VAV2: variants seen among roughly 807,000 people sequenced by gnomAD.
VAV2 encodes the protein vav guanine nucleotide exchange factor 2, also known as guanine nucleotide exchange factor VAV2.
A neutral mutation model predicts 132.5 loss-of-function variants in VAV2; 67 were observed. That is an observed-to-expected ratio of 0.51 (90% CI 0.42 to 0.62). The LOEUF is 0.62. Among genes scored for constraint, VAV2 ranks in the 20% least tolerant of loss-of-function variants. The pLI, the probability that VAV2 is intolerant of heterozygous loss-of-function variation, is 0.00. For missense variants in VAV2, 938 were observed against 1,153.6 expected, an observed-to-expected ratio of 0.81 and a Z score of 2.71; for synonymous variants, 492 against 443.5, an observed-to-expected ratio of 1.11 and a Z score of -1.37.
At position 133,803,295 on chromosome 9, in the gene VAV2, C is replaced by T. The variant is rs116787832; in HGVS notation, c.836+2786G>A. Among the ~76,000 whole-genome samples the T allele has an allele frequency of 6.4e-3, 982 of 152,322 alleles. 8 individuals carry two copies. Among genetic ancestry groups the T allele is most frequent in the African/African-American group, 0.023 (939 of 41,570 alleles). On this transcript the variant is annotated intron_variant, in intron 9 of 29. Transcript: ENST00000371850. ...TCGTGCAAAGCTCCACAGAGAGCTC[C>T]TCTTGAAAGCCAGTTCGTGGCCTTC...
At chr9:133,847,316 C>T (rs547141860) in intron 3 of VAV2, among the ~76,000 whole-genome samples, 16 of 152,214 alleles carry the variant, frequency 1.1e-4, no homozygotes, top group South Asian at 4.1e-4. Flanking sequence ...CCCAGGACCC[C>T]GCAGCCACCA....
intron 2 of VAV2, among the ~76,000 whole-genome samples, chr9:133,897,991 A>C (rs1839279862): frequency 1.3e-5 from 2 of 152,076 alleles, no homozygotes; most frequent in South Asian, 4.1e-4. Context: ...TGGTGGTTGG[A>C]AGGGGCCCAG....
chr9:133,938,598 A>G (rs549288176), intron 2 of VAV2, among the ~76,000 whole-genome samples: 1 of 152,124 alleles, frequency 6.6e-6, no homozygotes, highest in South Asian at 2.1e-4. Flanking sequence ...CTCTTTGCCC[A>G]ATACCTTCCC....
Position 133,926,640 on chromosome 9 carries a change from A to G in VAV2, c.321+12463T>C, listed in dbSNP as rs1840490265. Among the ~76,000 whole-genome samples the G allele has an allele frequency of 6.6e-6, 1 of 151,804 alleles. No homozygotes were observed. Among genetic ancestry groups the G allele is most frequent in the African/African-American group, 2.4e-5 (1 of 41,336 alleles). On this transcript the variant is annotated intron_variant, in intron 2 of 29. Coordinates refer to ENST00000371850, the MANE Select transcript of VAV2 (RefSeq NM_001134398.2). The surrounding 1 kb of genome is among the most constrained non-coding windows in gnomAD (Gnocchi z 4.3). Reference sequence around the variant, plus strand: ...TGCCCCTGAGACCTCCCATACCACCACCTTCACCTGGTGAACTGCAGCTCA... The same window carrying G: ...TGCCCCTGAGACCTCCCATACCACCGCCTTCACCTGGTGAACTGCAGCTCA...
intron 15 of VAV2, 100 bp from the exon 16 acceptor site, chr9:133,787,360 G>GCGC: frequency 7.4e-7 from 1 of 1,348,830 alleles, no homozygotes; most frequent in Non-Finnish European, 9.7e-7. Flanking sequence ...AGGAGCCCTG[G>GCGC]CAGGTGGAAC....
chr9:133,914,646 G>A (rs2132053864), intron 2 of VAV2, among the ~76,000 whole-genome samples: 1 of 47,048 alleles, frequency 2.1e-5, no homozygotes, highest in African/African-American at 1.0e-4. Context: ...GGAGGAAGCA[G>A]GAAGCAGGGG....
At chr9:133,934,154 T>A (rs1840819470) in intron 2 of VAV2, among the ~76,000 whole-genome samples, 1 of 152,006 alleles carries the variant, frequency 6.6e-6, no homozygotes, top group South Asian at 2.1e-4. Flanking sequence ...GATGAGTGAA[T>A]GAACGAATAA....
intron 2 of VAV2, among the ~76,000 whole-genome samples, chr9:133,932,189 G>A (rs989477597): frequency 5.9e-5 from 9 of 152,328 alleles, no homozygotes; most frequent in Admixed American, 1.3e-4. Context: ...CAGAGCTGGC[G>A]ACCCATGGGC....
intron 4 of VAV2, among the ~76,000 whole-genome samples, chr9:133,822,222 C>T (rs969043883): frequency 3.3e-5 from 5 of 152,210 alleles, no homozygotes; most frequent in East Asian, 1.9e-4. Flanking sequence ...GTGTTTACGG[C>T]GGACATAAAA....
intron 3 of VAV2, among the ~76,000 whole-genome samples, chr9:133,858,670 A>G (rs1837477818): frequency 6.6e-6 from 1 of 152,188 alleles, no homozygotes; most frequent in South Asian, 2.1e-4. Context: ...TACAGGTCTC[A>G]TCTCAATAAA....
intron 2 of VAV2, among the ~76,000 whole-genome samples, chr9:133,886,937 G>A (rs551399851): frequency 6.6e-6 from 1 of 152,324 alleles, no homozygotes; most frequent in Non-Finnish European, 1.5e-5. Context: ...AGGGGCAGAG[G>A]CGGCCCTTCA....
At chr9:133,864,492 C>T (rs1475323547) in intron 2 of VAV2, among the ~76,000 whole-genome samples, 3 of 152,216 alleles carry the variant, frequency 2.0e-5, no homozygotes, top group Non-Finnish European at 4.4e-5. Flanking sequence ...GCCCTGGCTC[C>T]ATCCCCACCC....
chr9:133,817,268 A>G (rs912502541), intron 4 of VAV2, among the ~76,000 whole-genome samples: 1 of 152,198 alleles, frequency 6.6e-6, no homozygotes, highest in Non-Finnish European at 1.5e-5. Flanking sequence ...AGAGACTGCA[A>G]TAATACCCGT....
intron 2 of VAV2, among the ~76,000 whole-genome samples, chr9:133,898,154 C>G (rs1426939756): frequency 6.6e-6 from 1 of 152,132 alleles, no homozygotes; most frequent in African/African-American, 2.4e-5. Context: ...TGGGCCTGCC[C>G]CGGGCTGCAA....
At chr9:133,951,325 C>A (rs1841553432) in intron 1 of VAV2, among the ~76,000 whole-genome samples, 1 of 152,192 alleles carries the variant, frequency 6.6e-6, no homozygotes, top group Non-Finnish European at 1.5e-5. Flanking sequence ...AGAGCTGGCA[C>A]CCAGCAGGGT....
intron 13 of VAV2, 97 bp from the exon 14 acceptor site, chr9:133,789,440 C>T: frequency 8.7e-7 from 1 of 1,150,324 alleles, no homozygotes; most frequent in Non-Finnish European, 1.3e-6. Context: ...CAAGGGAACT[C>T]CCCACAGGCA....
At chr9:133,842,704 T>TA (rs1164216301) in intron 3 of VAV2, among the ~76,000 whole-genome samples, 53 of 152,336 alleles carry the variant, frequency 3.5e-4, no homozygotes, top group African/African-American at 1.1e-3. Context: ...GCTGGCCTGG[T>TA]ACTGGAACAC....
chr9:133,786,133 A>G (rs998948545), intron 16 of VAV2, among the ~76,000 whole-genome samples: 9 of 152,264 alleles, frequency 5.9e-5, no homozygotes, highest in African/African-American at 2.2e-4. Flanking sequence ...GAGAATACAT[A>G]TGCGCTTGTG....
At chr9:133,954,415 T>C (rs958688849) in intron 1 of VAV2, among the ~76,000 whole-genome samples, 1 of 152,224 alleles carries the variant, frequency 6.6e-6, no homozygotes. Context: ...ATGCCTGCAC[T>C]TCAAGGAGCT....
Sources: allele counts gnomAD v4.1 joint callset (sites outside exome capture counted in the v4.1 genomes callset), GRCh38; gene constraint gnomAD v4.1.1; non-coding constraint Gnocchi (gnomAD v3.1); transcripts MANE v1.5; gene names NCBI Gene and HGNC (gene_info 2026-07-23, HGNC 2026-07-21).